Variants in LPXN observed in about 807,000 individuals in gnomAD.
LPXN encodes leupaxin.
Under a neutral mutation model 45.6 loss-of-function variants are expected in LPXN, and 28 were observed. The ratio of observed to expected loss-of-function variants is 0.61; its 90% CI spans 0.45 to 0.84. The LOEUF (loss-of-function observed/expected upper bound fraction) is 0.84. Ranked by LOEUF, LPXN falls within the 40% of genes least tolerant of loss-of-function variation. The pLI is 0.00. For synonymous variants in LPXN, 166 were observed against 169.9 expected (o/e 0.98, Z 0.18); for missense variants, 459 against 475.0 (o/e 0.97, Z 0.31).
At chr11:58,529,837 G>A (rs988860368) in intron 7 of LPXN, among the ~76,000 whole-genome samples, 7 of 152,230 alleles carry the variant, frequency 4.6e-5, no homozygotes, top group Middle Eastern at 3.4e-3. Context: ...TGAGGTAACC[G>A]GTTCATCTCA....
At chr11:58,561,404 A>G (rs1052347897) in intron 3 of LPXN, among the ~76,000 whole-genome samples, 19 of 152,202 alleles carry the variant, frequency 1.2e-4, no homozygotes, top group African/African-American at 4.1e-4. Flanking sequence ...TCTTAAGATA[A>G]AAGATTTATC....
intron 7 of LPXN, among the ~76,000 whole-genome samples, chr11:58,543,144 C>G (rs144694988): frequency 6.6e-6 from 1 of 152,100 alleles, no homozygotes; most frequent in Non-Finnish European, 1.5e-5. Context: ...AGTTAGTTGG[C>G]TAGTTTGATT....
At chr11:58,529,693 A>G (rs1853329722) in intron 7 of LPXN, among the ~76,000 whole-genome samples, 1 of 152,168 alleles carries the variant, frequency 6.6e-6, no homozygotes, top group African/African-American at 2.4e-5. Flanking sequence ...AATTAACTGT[A>G]TATCAAACTG....
chr11:58,557,350 G>A (rs1347778795), intron 3 of LPXN, among the ~76,000 whole-genome samples: 1 of 152,132 alleles, frequency 6.6e-6, no homozygotes, highest in Non-Finnish European at 1.5e-5. Context: ...TGTGAAATAT[G>A]CACACATACA....
chr11:58,573,190 G>A (rs559424170), intron 1 of LPXN, among the ~76,000 whole-genome samples: 2 of 150,212 alleles, frequency 1.3e-5, no homozygotes, highest in South Asian at 4.2e-4. Context: ...AGGTTGCGGT[G>A]AGCCGAGACC....
At chr11:58,534,722 T>C (rs1417441402) in intron 7 of LPXN, among the ~76,000 whole-genome samples, 2 of 152,018 alleles carry the variant, frequency 1.3e-5, no homozygotes, top group African/African-American at 4.8e-5. Context: ...AAACAATCAA[T>C]GAATCCCGGA....
intron 3 of LPXN, among the ~76,000 whole-genome samples, chr11:58,561,349 T>C (rs1463892415): frequency 6.6e-6 from 1 of 152,190 alleles, no homozygotes; most frequent in Admixed American, 6.5e-5. Context: ...CCACTTATTT[T>C]TGATCACTTA....
upstream of LPXN, chr11:58,578,024 G>A (rs1440638277): frequency 1.1e-5 from 17 of 1,550,940 alleles, no homozygotes; most frequent in Admixed American, 9.8e-5. Context: ...CACACCGGAA[G>A]ACGAGATCAA....
chr11:58,577,916 C>A, upstream of LPXN: 2 of 1,313,482 alleles, frequency 1.5e-6, no homozygotes, highest in Non-Finnish European at 2.1e-6. Context: ...TAAGAGCCAA[C>A]TGAGTAGTGG....
rs1447557129 is a variant in LPXN at position 58,554,772 on chromosome 11, C to T, written c.318+69G>A. 26 of 1,161,152 alleles carry T rather than the reference C, an allele frequency of 2.2e-5. 1 individual carries two copies. The South Asian group carries it at 3.6e-4, about 16-fold the overall frequency. The allele number at this position is 1,161,152 out of a possible 1,614,324, so 71.9% of individuals were successfully genotyped here. ...GAGTTCCACAAAGATAAACTGGTGA[C>T]CCCATGGGCCCTGTTTATCATCTGG... On this transcript the variant is annotated intron_variant, in intron 4 of 8. Coordinates refer to ENST00000395074, the MANE Select transcript of LPXN (RefSeq NM_004811.3).
chr11:58,554,306 C>G (rs1485692865), intron 4 of LPXN, among the ~76,000 whole-genome samples: 1 of 151,986 alleles, frequency 6.6e-6, no homozygotes, highest in Non-Finnish European at 1.5e-5. Flanking sequence ...GAGCAAGACT[C>G]CATCTCAAAA....
At chr11:58,576,925 T>C (rs966389183), upstream of LPXN, among the ~76,000 whole-genome samples, 1 of 152,176 alleles carries the variant, frequency 6.6e-6, no homozygotes, top group African/African-American at 2.4e-5. Context: ...CAGAGGTGCA[T>C]CCCATCACGC....
At chr11:58,565,186 C>T (rs749692754) in intron 2 of LPXN, among the ~76,000 whole-genome samples, 6 of 152,068 alleles carry the variant, frequency 3.9e-5, no homozygotes, top group Non-Finnish European at 7.4e-5. Flanking sequence ...CCCGTAATCC[C>T]AGTACTTTGG....
chr11:58,536,288 C>G (rs1853550630), intron 7 of LPXN, among the ~76,000 whole-genome samples: 3 of 152,186 alleles, frequency 2.0e-5, no homozygotes, highest in African/African-American at 7.2e-5. Flanking sequence ...ACAAAAACAG[C>G]ATGGTACTGG....
In LPXN at chr11:58,555,063, A is replaced by G. The variant is rs565114460; in HGVS notation, c.219-123T>C. The stretch of plus-strand genomic sequence containing the variant: ...CCCCTGGATATGAAGCTAAAATCAG[A>G]GATGGGGGTATTTTAAAAATATATT... On this transcript the variant is annotated intron_variant, in intron 3 of 8. Transcript: ENST00000395074. 34 of 607,752 alleles carry G rather than the reference A, an allele frequency of 5.6e-5. No homozygotes were observed. The East Asian group carries it at 9.4e-4, about 17-fold the overall frequency. The allele number at this position is 607,752 out of a possible 1,614,324, so 37.6% of individuals were successfully genotyped here. A position where few individuals can be genotyped will look rare whatever the true frequency, so the allele number is the denominator to read the frequency against.
chr11:58,527,967 C>G, intron 8 of LPXN, 76 bp downstream of exon 8: 1 of 1,509,888 alleles, frequency 6.6e-7, no homozygotes, highest in Non-Finnish European at 9.0e-7. Context: ...AACCCTTTCA[C>G]TAACTGCAGC....
chr11:58,551,883 G>A (rs1163186009), intron 4 of LPXN, among the ~76,000 whole-genome samples: 1 of 152,112 alleles, frequency 6.6e-6, no homozygotes, highest in African/African-American at 2.4e-5. Context: ...TATGGGAAAA[G>A]CATTCTAGGG....
chr11:58,575,790 G>C lies in LPXN; in HGVS notation c.-18C>G, dbSNP rs1464680345. The C allele has an allele frequency of 6.2e-7, 1 of 1,614,068 alleles. No individual in the cohort carries two copies. The highest frequency in any genetic ancestry group is 1.7e-5 in the Admixed American group (1 of 60,006). On this transcript the variant is annotated 5_prime_UTR_variant, in exon 1 of 9. Transcript: ENST00000395074. ...TCTTCCATTGTCCTACATCCAAGAT[G>C]CTCTTGTCTCACAGGCCGTGAGGAA...
intron 1 of LPXN, among the ~76,000 whole-genome samples, chr11:58,571,696 GTATC>G (rs1443191853): frequency 6.8e-6 from 1 of 147,370 alleles, no homozygotes; most frequent in African/African-American, 2.5e-5. Flanking sequence ...TTATATACTA[GTATC>G]TATCTGTTAC....
Sources: gnomAD v4.1 joint callset for allele counts (sites outside exome capture counted in the v4.1 genomes callset) on GRCh38, gnomAD v4.1.1 for gene constraint, MANE v1.5 for transcripts, NCBI Gene and HGNC (gene_info 2026-07-23, HGNC 2026-07-21) for gene names.